BTBD9: variants seen among roughly 807,000 people sequenced by gnomAD.
The protein encoded by BTBD9 is BTB domain containing 9.
Under a neutral mutation model 64.3 loss-of-function variants are expected in BTBD9, and 49 were observed. The ratio of observed to expected loss-of-function variants is 0.76; its 90% CI spans 0.61 to 0.97. The LOEUF (loss-of-function observed/expected upper bound fraction) is 0.97. BTBD9 is among the 50% of genes least tolerant of loss of function. The pLI, the probability that BTBD9 is intolerant of heterozygous loss-of-function variation, is 0.00. For synonymous variants in BTBD9, 260 were observed against 274.7 expected (o/e 0.95, Z 0.53); for missense variants, 598 against 762.1 (o/e 0.78, Z 2.53).
At chr6:38,395,377 C>T (rs891073818) in intron 6 of BTBD9, among the ~76,000 whole-genome samples, 9 of 151,962 alleles carry the variant, frequency 5.9e-5, no homozygotes, top group African/African-American at 1.9e-4. Flanking sequence ...TTAAAGGCTG[C>T]AATGAGCCAT....
chr6:38,537,246 G>A lies in BTBD9; in HGVS notation c.1154+40354C>T, dbSNP rs74550493. Among the ~76,000 whole-genome samples the A allele has an allele frequency of 2.3e-3, 348 of 152,254 alleles. 2 individuals carry two copies. The Middle Eastern group carries it at 0.024, about 10-fold the overall frequency. ...ACAAGTCTCTACTCCAAAAAACAGA[G>A]TTAAACGATCCAAATGAACAAAGGC... is the stretch of plus-strand genomic sequence containing the variant. On this transcript the variant is annotated intron_variant, in intron 6 of 10. Transcript: ENST00000481247.
intron 8 of BTBD9, among the ~76,000 whole-genome samples, chr6:38,285,998 T>C (rs1416509404): frequency 3.3e-5 from 5 of 152,240 alleles, no homozygotes; most frequent in Admixed American, 2.6e-4. Context: ...CTTTAGTTAA[T>C]GCATACAGAT....
intron 6 of BTBD9, among the ~76,000 whole-genome samples, chr6:38,411,645 T>G (rs1281448719): frequency 6.6e-6 from 1 of 151,608 alleles, no homozygotes; most frequent in Non-Finnish European, 1.5e-5. Flanking sequence ...ATATTAAGCA[T>G]AAAAAAAATG....
chr6:38,307,539 C>T (rs1762671118), intron 7 of BTBD9, among the ~76,000 whole-genome samples: 1 of 152,218 alleles, frequency 6.6e-6, no homozygotes, highest in African/African-American at 2.4e-5. Flanking sequence ...CTCTCCATAC[C>T]TGTGGGTGAA....
intron 7 of BTBD9, among the ~76,000 whole-genome samples, chr6:38,297,107 C>T (rs908999196): frequency 6.6e-6 from 1 of 152,188 alleles, no homozygotes; most frequent in African/African-American, 2.4e-5. Flanking sequence ...GTGGCTCACG[C>T]CTGTAATCCC....
chr6:38,394,845 T>A (rs982767219), intron 6 of BTBD9, among the ~76,000 whole-genome samples: 1 of 152,100 alleles, frequency 6.6e-6, no homozygotes, highest in Non-Finnish European at 1.5e-5. Context: ...GAAAAATGAA[T>A]CTCTCAATCC....
chr6:38,301,833 G>T (rs569745781), intron 7 of BTBD9, among the ~76,000 whole-genome samples: 15 of 152,092 alleles, frequency 9.9e-5, no homozygotes, highest in East Asian at 7.7e-4. Context: ...TTTATTTTTT[G>T]AAGGGTTTTT....
intron 8 of BTBD9, among the ~76,000 whole-genome samples, chr6:38,275,941 G>C (rs920608475): frequency 6.6e-6 from 1 of 152,006 alleles, no homozygotes; most frequent in Non-Finnish European, 1.5e-5. Context: ...TCAGTGTGGC[G>C]ATTCCTCAGG....
In BTBD9 at chr6:38,444,687, G is replaced by T. The variant is rs139701550; in HGVS notation, c.1155-99594C>A. 1.1e-3 allele frequency among the ~76,000 whole-genome samples: 173 copies of T among 152,094 alleles called. 5 individuals are homozygous for T. The East Asian group carries it at 0.029, about 26-fold the overall frequency. ...GATAAAAAGGGTACCTTTTTCATAG[G>T]GCTGCTATGAGGATTATACAGACTG... On this transcript the variant is annotated intron_variant, in intron 6 of 10. Transcript: ENST00000481247.
intron 1 of BTBD9, among the ~76,000 whole-genome samples, chr6:38,626,197 T>C (rs1002272515): frequency 7.2e-5 from 11 of 152,332 alleles, no homozygotes; most frequent in African/African-American, 2.6e-4. Flanking sequence ...AGTAGGTATA[T>C]ACATTTATGG....
At chr6:38,389,935 TC>T (rs1766337340) in intron 6 of BTBD9, among the ~76,000 whole-genome samples, 1 of 152,180 alleles carries the variant, frequency 6.6e-6, no homozygotes, top group South Asian at 2.1e-4. Context: ...TAGAATTTCT[TC>T]CTTTCTCTCT....
chr6:38,433,455 C>T (rs1023206520), intron 6 of BTBD9, among the ~76,000 whole-genome samples: 1 of 151,838 alleles, frequency 6.6e-6, no homozygotes, highest in Non-Finnish European at 1.5e-5. Context: ...TTTGTTCCTG[C>T]CCCACCTTAA....
rs557245642 is a variant in BTBD9, at chr6:38,171,934, G to C, written c.*3051C>G. Reference sequence around the variant, plus strand: ...ATGAAAAGTGAAGGGTGGGGGTGCTGGCCACCTCCCATTTCTTTGCCTGGG... The same window carrying C: ...ATGAAAAGTGAAGGGTGGGGGTGCTCGCCACCTCCCATTTCTTTGCCTGGG... On this transcript the variant is annotated 3_prime_UTR_variant, in exon 11 of 11. Transcript: ENST00000481247. 1 of 149,718 alleles carries C rather than the reference G, an allele frequency of 6.7e-6. No homozygotes were observed. Among genetic ancestry groups the C allele is most frequent in the African/African-American group, 2.5e-5 (1 of 40,642 alleles). 9.3% of individuals were successfully genotyped at this position (149,718 alleles called of 1,614,324 possible).
intron 6 of BTBD9, among the ~76,000 whole-genome samples, chr6:38,429,455 CAA>C (rs201995368): frequency 1.2e-4 from 12 of 102,480 alleles, no homozygotes; most frequent in Admixed American, 1.0e-4. Context: ...GACTACGTCT[CAA>C]AAAAAAAAAA....
At chr6:38,610,921 G>A (rs1179950217) in intron 1 of BTBD9, among the ~76,000 whole-genome samples, 1 of 150,468 alleles carries the variant, frequency 6.6e-6, no homozygotes, top group Non-Finnish European at 1.5e-5. Context: ...CCGGGGTGGG[G>A]GGGGGACTAA....
At chr6:38,365,923 C>T (rs1268039937) in intron 6 of BTBD9, among the ~76,000 whole-genome samples, 2 of 152,190 alleles carry the variant, frequency 1.3e-5, no homozygotes, top group African/African-American at 4.8e-5. Flanking sequence ...AAGTAGACAA[C>T]TGCTGGTTCT....
At chr6:38,533,716 C>T (rs1417923506) in intron 6 of BTBD9, among the ~76,000 whole-genome samples, 12 of 151,956 alleles carry the variant, frequency 7.9e-5, no homozygotes, top group Admixed American at 7.9e-4. Flanking sequence ...TGGAATAAAA[C>T]AAATCAATAA....
Position 38,175,011 on chromosome 6 carries a change from G to A in BTBD9, c.1813C>T (p.Arg605Cys), listed in dbSNP as rs568984734. 20 of 1,614,004 alleles carry A rather than the reference G, an allele frequency of 1.2e-5. No homozygotes were observed. The highest frequency in any genetic ancestry group is 6.7e-5 in the African/African-American group (5 of 75,058). ...SLPSSPGSNS[R>C]SPNRQHQ ...TATTGGTGCTGCCGGTTGGGGGAGC[G>A]TGAGTTGGAGCCTGGGCTGGAGGGT... The change falls in exon 11 of 11, where the codon CGC becomes TGC. Residue 605 changes from arginine to cysteine, a missense_variant. Physicochemically the swap from Arg to Cys is radical, Grantham distance 180. Transcript: ENST00000481247.
intron 6 of BTBD9, among the ~76,000 whole-genome samples, chr6:38,372,826 T>C (rs1009571728): frequency 1.3e-5 from 2 of 152,190 alleles, no homozygotes; most frequent in African/African-American, 2.4e-5. Flanking sequence ...ATTCCAACCA[T>C]AAGGATCTTA....
Sources: gnomAD v4.1 joint callset for allele counts (sites outside exome capture counted in the v4.1 genomes callset) on GRCh38, gnomAD v4.1.1 for gene constraint, MANE v1.5 for transcripts, NCBI Gene and HGNC (gene_info 2026-07-23, HGNC 2026-07-21) for gene names.